The following STAT1 variants were observed in gnomAD, a reference collection of about 807,000 sequenced individuals.
STAT1 encodes signal transducer and activator of transcription 1-alpha/beta.
A neutral mutation model predicts 111.7 loss-of-function variants in STAT1; 24 were observed. That is an observed-to-expected ratio of 0.21 (90% CI 0.16 to 0.30). STAT1 has a LOEUF of 0.30. STAT1 is among the 10% of genes least tolerant of loss of function. The probability of loss-of-function intolerance (pLI) is 1.00; values close to 1 mark genes in which losing one functional copy is unlikely to be tolerated. For missense variants in STAT1, 351 were observed against 911.9 expected (o/e 0.38, Z 7.92); for synonymous variants, 332 against 326.5 (o/e 1.02, Z -0.18).
intron 5 of STAT1, among the ~76,000 whole-genome samples, chr2:191,002,040 C>T (rs1029587811): frequency 2.6e-5 from 4 of 152,162 alleles, no homozygotes; most frequent in Non-Finnish European, 5.9e-5. Flanking sequence ...GCAATTGTAT[C>T]ATCTTTTCTT....
At chr2:190,972,755 G>A (rs919130278) in intron 24 of STAT1, among the ~76,000 whole-genome samples, 6 of 147,122 alleles carry the variant, frequency 4.1e-5, no homozygotes, top group African/African-American at 1.5e-4. Flanking sequence ...TTATATTATA[G>A]CCTCTTTTAG....
chr2:190,995,141 G>C lies in STAT1; in HGVS notation c.864C>G (p.Thr288=), dbSNP rs61756198. 10 of 1,613,846 alleles carry C rather than the reference G, an allele frequency of 6.2e-6. No homozygotes were observed. The highest frequency in any genetic ancestry group is 7.6e-6 in the Non-Finnish European group (9 of 1,179,948). The stretch of plus-strand genomic sequence containing the variant: ...TTTTTGTGATAGGGTCATGTTCGTA[G>C]GTGTATTTCTGTTCCAATTCCTCCA... ...KKLEELEQKY[T]YEHDPITKNK... Residue 288 remains threonine, a synonymous_variant, in exon 10 of 25, where the codon ACC becomes ACG. Transcript: ENST00000361099. This position sits in a 1 kb window ranked among gnomAD's most constrained non-coding sequence, Gnocchi z 4.2.
rs749029610 is a variant in STAT1, at chr2:190,993,113, T to C, written c.945-1793A>G. On this transcript the variant is annotated intron_variant, in intron 10 of 24. Transcript: ENST00000361099. The surrounding 1 kb of genome is among the most constrained non-coding windows in gnomAD (Gnocchi z 4.1). ...CCTTGTTGCATTCCTAGCACTAGTT[T>C]CCAAAAACAGAATTCCAAGGGAATC... is the stretch of plus-strand genomic sequence containing the variant. The C allele has an allele frequency of 3.4e-5, 14 of 409,314 alleles. No homozygotes were observed. The Admixed American group carries it at 3.7e-4, about 11-fold the overall frequency. 25.4% of individuals were successfully genotyped at this position (409,314 alleles called of 1,614,324 possible).
rs374341577 is a variant in STAT1, at chr2:190,974,819, G to A, written c.2238+11C>T. On this transcript the variant is annotated intron_variant, in intron 24 of 24. Coordinates refer to ENST00000361099, the MANE Select transcript of STAT1 (RefSeq NM_007315.4). This position sits in a 1 kb window ranked among gnomAD's most constrained non-coding sequence, Gnocchi z 4.8. ...ATTGAGAGCTACACACAGGCCAGCCGTGGTACTCACCATACTGTCGAATTC... is the reference window on the plus strand; with the variant it reads ...ATTGAGAGCTACACACAGGCCAGCCATGGTACTCACCATACTGTCGAATTC... 1.3e-5 allele frequency: 21 copies of A among 1,609,120 alleles called. No homozygotes were observed. In the Admixed American group the frequency reaches 1.3e-4, roughly 10 times the overall value.
rs1692453227 is a variant in STAT1 at position 190,982,322 on chromosome 2, T to C, written c.1582+61A>G. The C allele has an allele frequency of 3.1e-6, 5 of 1,589,040 alleles. No individual in the cohort carries two copies. Among genetic ancestry groups the C allele is most frequent in the Admixed American group, 1.7e-5 (1 of 59,870 alleles). On this transcript the variant is annotated intron_variant, in intron 18 of 24. Coordinates refer to ENST00000361099, the MANE Select transcript of STAT1 (RefSeq NM_007315.4). This position sits in a 1 kb window ranked among gnomAD's most constrained non-coding sequence, Gnocchi z 7.3. ...AAAATAGCAGAGGGGAAAAGAGCAA[T>C]TAGAGAGATATTTTTATGAATTTCA...
At chr2:190,972,424 C>T (rs1365893264) in intron 24 of STAT1, among the ~76,000 whole-genome samples, 1 of 152,202 alleles carries the variant, frequency 6.6e-6, no homozygotes. Flanking sequence ...CACTGGTGCT[C>T]TGGCTCTCTT....
In STAT1 at chr2:190,989,632, G is replaced by T; in HGVS notation, c.1080C>A (p.Val360=). Reference sequence around the variant, plus strand: ...TATCTTACTTATCAAATAAGACTTTGACTTTCAAATTATAATTCAGCTCTT... The same window carrying T: ...TATCTTACTTATCAAATAAGACTTTTACTTTCAAATTATAATTCAGCTCTT... ...KLQELNYNLK[V]KVLFDKDVNE... The change falls in exon 12 of 25, where the codon GTC becomes GTA. Residue 360 remains valine (V), a synonymous_variant. Coordinates refer to ENST00000361099, the MANE Select transcript of STAT1 (RefSeq NM_007315.4). This position sits in a 1 kb window ranked among gnomAD's most constrained non-coding sequence, Gnocchi z 5.0. 6.3e-7 allele frequency: 1 copy of T among 1,582,918 alleles called. No individual in the cohort carries two copies. Among genetic ancestry groups the T allele is most frequent in the South Asian group, 1.1e-5 (1 of 88,360 alleles).
chr2:191,008,990 G>A lies in STAT1; in HGVS notation c.246C>T (p.Asn82=). The change falls in exon 4 of 25, where the codon AAC becomes AAT. Residue 82 remains asparagine (N), a synonymous_variant. Transcript: ENST00000361099. ...SLENNFLLQH[N]IRKSKRNLQD... ...GAAGATTACGCTTGCTTTTCCTTATGTTATGCTGTAGCAAGAAGTTATTCT... is the reference window on the plus strand; with the variant it reads ...GAAGATTACGCTTGCTTTTCCTTATATTATGCTGTAGCAAGAAGTTATTCT... 1.9e-6 allele frequency: 3 copies of A among 1,612,114 alleles called. No individual in the cohort carries two copies. In the African/African-American group the frequency reaches 4.0e-5, roughly 22 times the overall value.
At position 190,978,444 on chromosome 2, in the gene STAT1, T is replaced by G. The variant is rs924735647; in HGVS notation, c.1873+412A>C. ...GGTCCTGCATCAACTCCCTGGCTGATGATGTGTATGAAGTCTTCTCCCGAA... is the reference window on the plus strand; with the variant it reads ...GGTCCTGCATCAACTCCCTGGCTGAGGATGTGTATGAAGTCTTCTCCCGAA... On this transcript the variant is annotated intron_variant, in intron 21 of 24. Coordinates refer to ENST00000361099, the MANE Select transcript of STAT1 (RefSeq NM_007315.4). This position sits in a 1 kb window ranked among gnomAD's most constrained non-coding sequence, Gnocchi z 6.1. 1.1e-5 allele frequency: 3 copies of G among 266,634 alleles called. No homozygotes were observed. Among genetic ancestry groups the G allele is most frequent in the Admixed American group, 4.5e-5 (1 of 22,056 alleles). The allele number at this position is 266,634 out of a possible 1,614,324, so 16.5% of individuals were successfully genotyped here.
At position 190,994,951 on chromosome 2, in the gene STAT1, TATATATAA is replaced by T. The variant is rs202140928; in HGVS notation, c.944+102_944+109del. 3,494 of 405,656 alleles carry T rather than the reference TATATATAA, an allele frequency of 8.6e-3. 168 individuals carry two copies. The highest frequency in any genetic ancestry group is 0.034 in the African/African-American group (1,319 of 38,684). 25.1% of individuals were successfully genotyped at this position (405,656 alleles called of 1,614,324 possible). A position where few individuals can be genotyped will look rare whatever the true frequency, so the allele number is the denominator to read the frequency against. On this transcript the variant is annotated intron_variant, in intron 10 of 24. Coordinates refer to ENST00000361099, the MANE Select transcript of STAT1 (RefSeq NM_007315.4). The stretch of plus-strand genomic sequence containing the variant: ...AAATATATATATATATATATATATA[TATATATAA>T]AAAACACCTATTAAACCCTTGTAAA...
At chr2:191,013,206 C>T (rs1241037952) in intron 2 of STAT1, among the ~76,000 whole-genome samples, 1 of 152,196 alleles carries the variant, frequency 6.6e-6, no homozygotes, top group East Asian at 1.9e-4. Context: ...GTCCAGCATC[C>T]TCATTAAGCA....
chr2:190,972,887 A>G (rs1691614543), intron 24 of STAT1, among the ~76,000 whole-genome samples: 2 of 151,624 alleles, frequency 1.3e-5, no homozygotes, highest in Non-Finnish European at 2.9e-5. Context: ...AATGAAATGA[A>G]TAAAATCACC....
rs1692862258 is a variant in STAT1 at position 190,986,781 on chromosome 2, CA to C, written c.1221+72del. On this transcript the variant is annotated intron_variant, in intron 14 of 24. Transcript: ENST00000361099. This position sits in a 1 kb window ranked among gnomAD's most constrained non-coding sequence, Gnocchi z 5.0. The stretch of plus-strand genomic sequence containing the variant: ...GGGCGTCCTCCACATGGCAATGTGC[CA>C]AAAAGGGCTGCTCTATTGTCAAAAG... 4.1e-6 allele frequency: 6 copies of C among 1,460,940 alleles called. No homozygotes were observed. The highest frequency in any genetic ancestry group is 3.4e-5 in the South Asian group (3 of 87,856). 90.5% of individuals were successfully genotyped at this position (1,460,940 alleles called of 1,614,324 possible).
chr2:190,981,289 T>G lies in STAT1; in HGVS notation c.1583-620A>C, dbSNP rs1416497516. ...CCTAGATCTTCAATGTAACTGATAC[T>G]TGACTTTACAAGTTTATTTTAGACA... is the stretch of plus-strand genomic sequence containing the variant. On this transcript the variant is annotated intron_variant, in intron 18 of 24. Transcript: ENST00000361099. The surrounding 1 kb of genome is among the most constrained non-coding windows in gnomAD (Gnocchi z 4.1). Among the ~76,000 whole-genome samples the G allele has an allele frequency of 2.6e-5, 4 of 152,224 alleles. No homozygotes were observed.
Position 190,979,243 on chromosome 2 carries a change from A to G in STAT1, c.1728-242T>C, listed in dbSNP as rs965027706. ...GTCAGTAGGATGCTACAGATGCTCAATAACACGTGTGGGATTAATGAGCCT... is the reference window on the plus strand; with the variant it reads ...GTCAGTAGGATGCTACAGATGCTCAGTAACACGTGTGGGATTAATGAGCCT... On this transcript the variant is annotated intron_variant, in intron 20 of 24. Coordinates refer to ENST00000361099, the MANE Select transcript of STAT1 (RefSeq NM_007315.4). The surrounding 1 kb of genome is among the most constrained non-coding windows in gnomAD (Gnocchi z 5.8). Among the ~76,000 whole-genome samples, 6 of 152,252 alleles carry G rather than the reference A, an allele frequency of 3.9e-5. No individual in the cohort carries two copies. The highest frequency in any genetic ancestry group is 7.3e-5 in the Non-Finnish European group (5 of 68,048).
At position 190,984,308 on chromosome 2, in the gene STAT1, A is replaced by C; in HGVS notation, c.1347+2T>G. ...TCCAACTCGGGACCATAAAAGTCTT[A>C]CCTCGAGGTCAATTACCAAACCAGG... On this transcript the variant is annotated splice_donor_variant, in intron 16 of 24. Transcript: ENST00000361099. LOFTEE classifies it high-confidence loss of function. The surrounding 1 kb of genome is among the most constrained non-coding windows in gnomAD (Gnocchi z 5.2). 1 of 1,611,152 alleles carries C rather than the reference A, an allele frequency of 6.2e-7. No homozygotes were observed. Among genetic ancestry groups the C allele is most frequent in the Non-Finnish European group, 8.5e-7 (1 of 1,177,240 alleles).
rs1169793094 is a variant in STAT1, at chr2:190,975,361, G to A, written c.2136-429C>T. ...GCTCCACACAGTGTTTTTACATGAA[G>A]GCTACATCCATTCACCCCAAGACAG... On this transcript the variant is annotated intron_variant, in intron 23 of 24. Coordinates refer to ENST00000361099, the MANE Select transcript of STAT1 (RefSeq NM_007315.4). This position sits in a 1 kb window ranked among gnomAD's most constrained non-coding sequence, Gnocchi z 5.9. 4.1e-6 allele frequency: 2 copies of A among 489,124 alleles called. No individual in the cohort carries two copies. The highest frequency in any genetic ancestry group is 8.3e-6 in the Non-Finnish European group (2 of 241,852). The allele number at this position is 489,124 out of a possible 1,614,324, so 30.3% of individuals were successfully genotyped here.
At position 190,981,882 on chromosome 2, in the gene STAT1, A is replaced by G. The variant is rs1025684896; in HGVS notation, c.1582+501T>C. Among the ~76,000 whole-genome samples the G allele has an allele frequency of 2.0e-5, 3 of 152,234 alleles. No homozygotes were observed. Among genetic ancestry groups the G allele is most frequent in the Admixed American group, 6.5e-5 (1 of 15,284 alleles). On this transcript the variant is annotated intron_variant, in intron 18 of 24. Transcript: ENST00000361099. The surrounding 1 kb of genome is among the most constrained non-coding windows in gnomAD (Gnocchi z 4.1). ...TCTACCACTGTCTAGACTCTGTCCA[A>G]TCAGGCAAAACTGCAGATCAAAAGA...
Position 191,007,669 on chromosome 2 carries a change from T to A in STAT1, c.274-8A>T. 1 of 1,588,944 alleles carries A rather than the reference T, an allele frequency of 6.3e-7. No individual in the cohort carries two copies. Among genetic ancestry groups the A allele is most frequent in the Non-Finnish European group, 8.6e-7 (1 of 1,157,522 alleles). ...GTCTTCCTGAAAATTATCCTAGATT[T>A]GAGTGGTTAGAACAAAAATAAATTA... On this transcript the variant is annotated splice_region_variant and splice_polypyrimidine_tract_variant and intron_variant, in intron 4 of 24. Coordinates refer to ENST00000361099, the MANE Select transcript of STAT1 (RefSeq NM_007315.4). This position sits in a 1 kb window ranked among gnomAD's most constrained non-coding sequence, Gnocchi z 4.2.
Sources: allele counts gnomAD v4.1 joint callset (sites outside exome capture counted in the v4.1 genomes callset), GRCh38; gene constraint gnomAD v4.1.1; non-coding constraint Gnocchi (gnomAD v3.1); transcripts MANE v1.5; gene names NCBI Gene and HGNC (gene_info 2026-07-23, HGNC 2026-07-21).